CNN3: variants seen among roughly 807,000 people sequenced by gnomAD.
CNN3 encodes the protein calponin-3.
A neutral mutation model predicts 39.0 loss-of-function variants in CNN3; 11 were observed. The observed-to-expected ratio is 0.28, with a 90% CI of 0.18 to 0.47. The LOEUF (loss-of-function observed/expected upper bound fraction) is 0.47. Among genes scored for constraint, CNN3 ranks in the 20% least tolerant of loss-of-function variants. The probability of loss-of-function intolerance (pLI) is 0.99; values close to 1 mark genes in which losing one functional copy is unlikely to be tolerated. For missense variants in CNN3, 266 were observed against 403.4 expected (o/e 0.66, Z 2.92); for synonymous variants, 101 against 138.3 (o/e 0.73, Z 1.89).
rs149022906 is a variant in CNN3, at chr1:94,903,590, C to T, written c.58-66G>A. On this transcript the variant is annotated intron_variant, in intron 1 of 6. Coordinates refer to ENST00000370206, the MANE Select transcript of CNN3 (RefSeq NM_001839.5). Reference sequence around the variant, plus strand: ...AGCATCAGAAACTGCCGACTCACAACGCGCTCTGCTTTCACTAGCCATTAA... The same window carrying T: ...AGCATCAGAAACTGCCGACTCACAATGCGCTCTGCTTTCACTAGCCATTAA... 152 of 1,600,222 alleles carry T rather than the reference C, an allele frequency of 9.5e-5. No individual in the cohort carries two copies. In the African/African-American group the frequency reaches 1.5e-3, roughly 16 times the overall value.
At chr1:94,907,787 G>A (rs970699685) in intron 1 of CNN3, among the ~76,000 whole-genome samples, 1 of 152,232 alleles carries the variant, frequency 6.6e-6, no homozygotes, top group African/African-American at 2.4e-5. Flanking sequence ...GTGAACCCGG[G>A]AGGCGGGGCT....
intron 1 of CNN3, among the ~76,000 whole-genome samples, chr1:94,912,074 A>G (rs967305683): frequency 1.3e-5 from 2 of 151,940 alleles, no homozygotes; most frequent in African/African-American, 4.8e-5. Context: ...CTCAAAAAAA[A>G]AAATTTTATA....
chr1:94,921,792 A>G (rs773471564), intron 1 of CNN3, among the ~76,000 whole-genome samples: 1 of 152,212 alleles, frequency 6.6e-6, no homozygotes, highest in Non-Finnish European at 1.5e-5. Flanking sequence ...AAGGATGAGA[A>G]TTTTAAAGAG....
At position 94,897,000 on chromosome 1, in the gene CNN3, A is replaced by G. The variant is rs925873145; in HGVS notation, c.*742T>C. 6 of 152,586 alleles carry G rather than the reference A, an allele frequency of 3.9e-5. No homozygotes were observed. Among genetic ancestry groups the G allele is most frequent in the African/African-American group, 1.2e-4 (5 of 41,462 alleles). 9.5% of individuals were successfully genotyped at this position (152,586 alleles called of 1,614,324 possible). ...ATTTATTTATAAAAAATACAATGGG[A>G]TAAGTTTATGCTGAGAAATGCAGCA... On this transcript the variant is annotated 3_prime_UTR_variant, in exon 7 of 7. Coordinates refer to ENST00000370206, the MANE Select transcript of CNN3 (RefSeq NM_001839.5).
intron 1 of CNN3, among the ~76,000 whole-genome samples, chr1:94,909,840 G>A (rs929959941): frequency 2.2e-4 from 34 of 151,344 alleles, no homozygotes; most frequent in African/African-American, 7.5e-4. Context: ...GGTGTACGCC[G>A]AGAGCATTCA....
chr1:94,902,214 A>G lies in CNN3; in HGVS notation c.291T>C (p.Gly97=). Residue 97 remains glycine (G), a synonymous_variant, in exon 4 of 7, where the codon GGT becomes GGC. Transcript: ENST00000370206. The part of the protein sequence containing the change: ...GNFIKAIQAY[G]MKPHDIFEAN... Reference sequence around the variant, plus strand: ...CTTCGAATATGTCATGTGGCTTCATACCATAAGCCTGAATAGCTTTAATAA... The same window carrying G: ...CTTCGAATATGTCATGTGGCTTCATGCCATAAGCCTGAATAGCTTTAATAA... The G allele has an allele frequency of 1.2e-6, 2 of 1,612,810 alleles. No homozygotes were observed. Among genetic ancestry groups the G allele is most frequent in the Non-Finnish European group, 1.7e-6 (2 of 1,178,790 alleles).
chr1:94,907,154 T>C (rs1407363894), intron 1 of CNN3, among the ~76,000 whole-genome samples: 1 of 152,166 alleles, frequency 6.6e-6, no homozygotes, highest in African/African-American at 2.4e-5. Context: ...GAAATTCGTA[T>C]GTACAAGCAT....
chr1:94,915,058 T>G (rs1671249601), intron 1 of CNN3, among the ~76,000 whole-genome samples: 1 of 152,186 alleles, frequency 6.6e-6, no homozygotes, highest in South Asian at 2.1e-4. Flanking sequence ...TTTTTAAAAA[T>G]GTTTTGTAGA....
In CNN3 at chr1:94,905,093, C is replaced by T. The variant is rs1670961775; in HGVS notation, c.58-1569G>A. Among the ~76,000 whole-genome samples, 4 of 152,266 alleles carry T rather than the reference C, an allele frequency of 2.6e-5. No individual in the cohort carries two copies. The South Asian group carries it at 8.3e-4, about 32-fold the overall frequency. On this transcript the variant is annotated intron_variant, in intron 1 of 6. Transcript: ENST00000370206. ...GTTCATAGTGCCAGAGCATATAGGA[C>T]TGTGGGCTGCATTCAGGTCCTTTCC...
chr1:94,912,849 T>C (rs1326615404), intron 1 of CNN3, among the ~76,000 whole-genome samples: 1 of 152,210 alleles, frequency 6.6e-6, no homozygotes, highest in Non-Finnish European at 1.5e-5. Context: ...TACTTTCTCA[T>C]AAAAGTTCCT....
At chr1:94,924,055 TG>T (rs1399115452) in intron 1 of CNN3, 4 of 152,234 alleles carry the variant, frequency 2.6e-5, no homozygotes, top group African/African-American at 9.7e-5. Flanking sequence ...TTAAATGAGA[TG>T]TGGGGGTAGA....
chr1:94,926,976 T>A lies in CNN3; in HGVS notation c.-82A>T, dbSNP rs1295122231. 4.1e-6 allele frequency: 6 copies of A among 1,450,418 alleles called. No individual in the cohort carries two copies. Among genetic ancestry groups the A allele is most frequent in the Non-Finnish European group, 5.7e-6 (6 of 1,054,634 alleles). 89.8% of individuals were successfully genotyped at this position (1,450,418 alleles called of 1,614,324 possible). A position where few individuals can be genotyped will look rare whatever the true frequency, so the allele number is the denominator to read the frequency against. Reference sequence around the variant, plus strand: ...CTTCCCCGCTCCTGGCCCCGAGGAGTGGCCGCCGCGGGGGATGCTCGAACT... The same window carrying A: ...CTTCCCCGCTCCTGGCCCCGAGGAGAGGCCGCCGCGGGGGATGCTCGAACT... On this transcript the variant is annotated 5_prime_UTR_variant, in exon 1 of 7. Transcript: ENST00000370206. This position sits in a 1 kb window ranked among gnomAD's most constrained non-coding sequence, Gnocchi z 4.2.
chr1:94,898,209 G>T (rs566918930), intron 6 of CNN3, 126 bp from the exon 7 acceptor site: 3 of 1,007,336 alleles, frequency 3.0e-6, no homozygotes, highest in Non-Finnish European at 4.3e-6. Flanking sequence ...TGGTTCAGGG[G>T]TAAAGCTAGC....
intron 1 of CNN3, among the ~76,000 whole-genome samples, chr1:94,914,789 AC>A (rs1381905020): frequency 6.6e-6 from 1 of 152,242 alleles, no homozygotes; most frequent in Non-Finnish European, 1.5e-5. Context: ...ATGGAATCTT[AC>A]AGATATGTTA....
chr1:94,911,948 G>A (rs183743364), intron 1 of CNN3, among the ~76,000 whole-genome samples: 242 of 151,898 alleles, frequency 1.6e-3, no homozygotes, highest in Middle Eastern at 3.4e-3. Context: ...CATCTGTAGC[G>A]CCTGTAATCC....
Position 94,897,803 on chromosome 1 carries a change from C to T in CNN3, c.929G>A (p.Gly310Asp), listed in dbSNP as rs116004008. 6.2e-7 allele frequency: 1 copy of T among 1,614,156 alleles called. No homozygotes were observed. The highest frequency in any genetic ancestry group is 2.2e-5 in the East Asian group (1 of 44,888). The stretch of plus-strand genomic sequence containing the variant: ...TCTGGGGTAGTCATCCTGGTACTCG[C>T]CATGATACTCATCAGGGTATTCTGC... ...YQAEYPDEYH[G>D]EYQDDYPRDY... Residue 310 changes from glycine to aspartate, a missense_variant, in exon 7 of 7, where the codon GGC becomes GAC. Transcript: ENST00000370206.
intron 1 of CNN3, among the ~76,000 whole-genome samples, chr1:94,908,171 A>C (rs1294911622): frequency 6.6e-6 from 1 of 152,190 alleles, no homozygotes; most frequent in Non-Finnish European, 1.5e-5. Flanking sequence ...AAACTCTCCA[A>C]CATCCCTCTA....
In CNN3 at chr1:94,925,800, T is replaced by C. The variant is rs377139373; in HGVS notation, c.57+1038A>G. ...TTAAACCACAGGCAGCCCTCCTTTG[T>C]GGCGCTTTGGCCAGAACAGCAGAAA... On this transcript the variant is annotated intron_variant, in intron 1 of 6. Coordinates refer to ENST00000370206, the MANE Select transcript of CNN3 (RefSeq NM_001839.5). The C allele has an allele frequency of 4.3e-5, 42 of 985,452 alleles. No homozygotes were observed. The South Asian group carries it at 8.9e-4, about 21-fold the overall frequency. 61.0% of individuals were successfully genotyped at this position (985,452 alleles called of 1,614,324 possible). A position where few individuals can be genotyped will look rare whatever the true frequency, so the allele number is the denominator to read the frequency against.
intron 1 of CNN3, chr1:94,925,848 A>C: frequency 1.0e-6 from 1 of 984,214 alleles, no homozygotes; most frequent in Non-Finnish European, 1.2e-6. Context: ...CGTTCTGTGC[A>C]CAGTTCCGCG....
Sources: gnomAD v4.1 joint callset for allele counts (sites outside exome capture counted in the v4.1 genomes callset) on GRCh38, gnomAD v4.1.1 for gene constraint, Gnocchi (gnomAD v3.1) non-coding constraint, MANE v1.5 for transcripts, NCBI Gene and HGNC (gene_info 2026-07-23, HGNC 2026-07-21) for gene names.